The following CYP2F1 variants were observed in gnomAD, a reference collection of about 807,000 sequenced individuals.
CYP2F1 encodes cytochrome P450 2F1.
Under a neutral mutation model 40.4 loss-of-function variants are expected in CYP2F1, and 33 were observed. That is an observed-to-expected ratio of 0.82 (90% CI 0.62 to 1.09). The LOEUF (loss-of-function observed/expected upper bound fraction) is 1.09, where lower values mean the gene tolerates loss of function less well. Among genes scored for constraint, CYP2F1 ranks in the 50% least tolerant of loss-of-function variants. CYP2F1 has a pLI of 0.00. For synonymous variants in CYP2F1, 235 were observed against 277.2 expected (o/e 0.85, Z 1.51); for missense variants, 566 against 655.7 (o/e 0.86, Z 1.49).
At chr19:41,114,953 A>G (rs992553040) in intron 1 of CYP2F1, among the ~76,000 whole-genome samples, 1 of 151,880 alleles carries the variant, frequency 6.6e-6, no homozygotes, top group Non-Finnish European at 1.5e-5. Context: ...TGTTTTTAGT[A>G]GAGACAGGGT....
intron 6 of CYP2F1, 23 bp from the exon 7 acceptor site, chr19:41,122,799 T>A: frequency 6.6e-7 from 1 of 1,517,000 alleles, no homozygotes. Context: ...CTGGCTCACA[T>A]CCCCACCCCT....
Position 41,127,937 on chromosome 19 carries a change from T to A in CYP2F1, c.1331T>A (p.Met444Lys), listed in dbSNP as rs760261161. The change falls in exon 10 of 10, where the codon ATG (methionine) becomes AAG (lysine). Residue 444 changes from methionine to lysine, a missense_variant. Physicochemically the swap from Met to Lys is moderately conservative, Grantham distance 95 (BLOSUM62 -1). Around this residue, in one of 5 missense-constraint regions of CYP2F1, gnomAD observed 85 missense variants for 84.9 expected, o/e 1.00. Coordinates refer to ENST00000331105, the MANE Select transcript of CYP2F1 (RefSeq NM_000774.5). ...RLCLGESLAR[M>K]ELFLYLTAIL... Reference sequence around the variant, plus strand: ...TGCCTGGGAGAGTCGCTGGCGCGCATGGAGCTCTTTCTGTACCTCACCGCC... The same window carrying A: ...TGCCTGGGAGAGTCGCTGGCGCGCAAGGAGCTCTTTCTGTACCTCACCGCC... 1 of 1,613,060 alleles carries A rather than the reference T, an allele frequency of 6.2e-7. No individual in the cohort carries two copies. The highest frequency in any genetic ancestry group is 2.2e-5 in the East Asian group (1 of 44,882).
intron 7 of CYP2F1, 133 bp from the exon 8 acceptor site, chr19:41,124,586 G>A (rs1463607684): frequency 2.5e-6 from 2 of 792,120 alleles, no homozygotes; most frequent in East Asian, 5.5e-5. Context: ...TCTCACGTGC[G>A]CCCCAGCAGT....
rs746693295 is a variant in CYP2F1 at position 41,125,576 on chromosome 19, T to C, written c.1236T>C (p.His412=). 1.9e-6 allele frequency: 3 copies of C among 1,609,298 alleles called. No individual in the cohort carries two copies. The highest frequency in any genetic ancestry group is 2.5e-6 in the Non-Finnish European group (3 of 1,177,454). The change falls in exon 9 of 10, where the codon CAT becomes CAC. Residue 412 remains histidine, a synonymous_variant. Coordinates refer to ENST00000331105, the MANE Select transcript of CYP2F1 (RefSeq NM_000774.5). The part of the protein sequence containing the change: ...FLTPQEFNPE[H]FLDANQSFKK... ...CGCCCCAGGAGTTCAACCCCGAGCA[T>C]TTTTTGGATGCCAATCAGTCCTTCA...
intron 9 of CYP2F1, among the ~76,000 whole-genome samples, chr19:41,127,651 A>C (rs2144765435): frequency 6.6e-6 from 1 of 152,276 alleles, no homozygotes; most frequent in South Asian, 2.1e-4. Context: ...CCCCATTTTA[A>C]ATATCCAGAA....
intron 3 of CYP2F1, among the ~76,000 whole-genome samples, chr19:41,119,719 C>CTCTCTCTT (rs2032041421): frequency 1.3e-4 from 5 of 38,126 alleles, no homozygotes; most frequent in South Asian, 2.6e-3. Context: ...CTCTCTCTCT[C>CTCTCTCTT]TCTCTATATA....
chr19:41,119,723 C>CTCTCTCTCTCTCTCTATA (rs1478574507), intron 3 of CYP2F1, among the ~76,000 whole-genome samples: 2 of 35,830 alleles, frequency 5.6e-5, no homozygotes, highest in East Asian at 1.1e-3. Flanking sequence ...CTCTCTCTCT[C>CTCTCTCTCTCTCTCTATA]TATATATATA....
At chr19:41,117,646 C>G (rs916299683) in intron 3 of CYP2F1, among the ~76,000 whole-genome samples, 1 of 152,058 alleles carries the variant, frequency 6.6e-6, no homozygotes, top group Admixed American at 6.6e-5. Context: ...ACATCACCAG[C>G]TTCAAATACA....
chr19:41,126,405 A>G (rs2032549150), intron 9 of CYP2F1, among the ~76,000 whole-genome samples: 1 of 152,006 alleles, frequency 6.6e-6, no homozygotes, highest in African/African-American at 2.4e-5. Context: ...AGCCTGGGCA[A>G]CAAGAACAAA....
At chr19:41,115,478 T>G (rs1211224874) in intron 1 of CYP2F1, among the ~76,000 whole-genome samples, 2 of 152,236 alleles carry the variant, frequency 1.3e-5, no homozygotes, top group Admixed American at 1.3e-4. Flanking sequence ...TCTGTCCCTG[T>G]GTGTCTTGAT....
chr19:41,121,818 C>G (rs2144755120), intron 5 of CYP2F1, 139 bp from the exon 6 acceptor site: 1 of 1,048,772 alleles, frequency 9.5e-7, no homozygotes, highest in African/African-American at 1.8e-5. Flanking sequence ...CTTCCCACTC[C>G]CCCTCAGCCC....
Position 41,124,820 on chromosome 19 carries a change from G to A in CYP2F1, c.1066G>A (p.Val356Met), listed in dbSNP as rs1348939860. 1.6e-5 allele frequency: 26 copies of A among 1,611,720 alleles called. No homozygotes were observed. Among genetic ancestry groups the A allele is most frequent in the Non-Finnish European group, 2.1e-5 (25 of 1,179,846 alleles). Reference sequence around the variant, plus strand: ...TTACACAGACGCGGTGATCCACGAGGTGCAGCGCTTTGCAGACATCATCCC... The same window carrying A: ...TTACACAGACGCGGTGATCCACGAGATGCAGCGCTTTGCAGACATCATCCC... ...MPYTDAVIHE[V>M]QRFADIIPMN... is the part of the protein sequence containing the mutation. Residue 356 changes from valine (V) to methionine (M), a missense_variant, in exon 8 of 10, where the codon GTG becomes ATG. By Grantham distance (21) the Val-to-Met change is conservative. Coordinates refer to ENST00000331105, the MANE Select transcript of CYP2F1 (RefSeq NM_000774.5).
At chr19:41,119,621 G>A (rs148116588) in intron 3 of CYP2F1, among the ~76,000 whole-genome samples, 8,941 of 149,722 alleles carry the variant, frequency 0.06, 435 homozygotes, top group Admixed American at 0.14. Context: ...CCCGGGAGGC[G>A]GAGGTTGCAG....
intron 9 of CYP2F1, among the ~76,000 whole-genome samples, chr19:41,126,955 G>C: frequency 6.6e-6 from 1 of 151,992 alleles, no homozygotes; most frequent in East Asian, 1.9e-4. Context: ...CTCAGTGGCA[G>C]GAAAAGAAAA....
intron 3 of CYP2F1, among the ~76,000 whole-genome samples, chr19:41,118,956 GGTCCCA>G (rs1052196784): frequency 4.6e-5 from 7 of 152,100 alleles, no homozygotes; most frequent in African/African-American, 1.7e-4. Flanking sequence ...TCCTATAGTA[GGTCCCA>G]GTCCAGTGGA....
chr19:41,121,211 G>C (rs2032177690), intron 4 of CYP2F1, among the ~76,000 whole-genome samples: 1 of 152,012 alleles, frequency 6.6e-6, no homozygotes, highest in Non-Finnish European at 1.5e-5. Flanking sequence ...AGAATAGCCC[G>C]TTCTGTGGTT....
chr19:41,118,368 C>G (rs2031946190), intron 3 of CYP2F1, among the ~76,000 whole-genome samples: 1 of 152,124 alleles, frequency 6.6e-6, no homozygotes, highest in Non-Finnish European at 1.5e-5. Context: ...GACCTGCATC[C>G]TGGACTATTC....
At chr19:41,118,132 G>A (rs1323855175) in intron 3 of CYP2F1, among the ~76,000 whole-genome samples, 1 of 152,070 alleles carries the variant, frequency 6.6e-6, no homozygotes, top group Middle Eastern at 3.2e-3. Flanking sequence ...ACAGGTGTGA[G>A]CCACTGCACC....
intron 3 of CYP2F1, among the ~76,000 whole-genome samples, chr19:41,119,912 G>T (rs956365097): frequency 3.3e-5 from 5 of 151,600 alleles, no homozygotes; most frequent in African/African-American, 1.2e-4. Context: ...CTGCACTCCA[G>T]CCTGGGTAAC....
Sources: allele counts gnomAD v4.1 joint callset (sites outside exome capture counted in the v4.1 genomes callset), GRCh38; gene constraint gnomAD v4.1.1; regional missense constraint gnomAD v4.1.1; transcripts MANE v1.5; gene names NCBI Gene and HGNC (gene_info 2026-07-23, HGNC 2026-07-21).